The following DGKH variants were observed in gnomAD, a reference collection of about 807,000 sequenced individuals.
The protein encoded by DGKH is DAG kinase eta.
In DGKH, 90 loss-of-function variants were observed where a neutral mutation model predicts 159.3. The observed-to-expected ratio is 0.57, with a 90% CI of 0.48 to 0.67. The LOEUF (loss-of-function observed/expected upper bound fraction) is 0.67. DGKH is among the 30% of genes least tolerant of loss of function. The probability of loss-of-function intolerance (pLI) is 0.00; values close to 1 mark genes in which losing one functional copy is unlikely to be tolerated. For synonymous variants in DGKH, 536 were observed against 553.8 expected, an observed-to-expected ratio of 0.97 and a Z score of 0.45; for missense variants, 1,181 against 1,506.1, an observed-to-expected ratio of 0.78 and a Z score of 3.57.
At chr13:42,246,705 G>A (rs979457892), downstream of DGKH, among the ~76,000 whole-genome samples, 2 of 152,074 alleles carry the variant, frequency 1.3e-5, no homozygotes, top group African/African-American at 4.8e-5. Flanking sequence ...GGTAAAGTAT[G>A]CTCTCCACAT....
intron 1 of DGKH, among the ~76,000 whole-genome samples, chr13:42,121,562 G>T (rs1955072717): frequency 1.3e-5 from 2 of 152,254 alleles, no homozygotes; most frequent in South Asian, 2.1e-4. Context: ...TATAATCCAG[G>T]CCAGTGCAAA....
At chr13:42,246,641 G>A (rs1291466804), downstream of DGKH, among the ~76,000 whole-genome samples, 1 of 152,100 alleles carries the variant, frequency 6.6e-6, no homozygotes, top group Non-Finnish European at 1.5e-5. Context: ...CCCTTTCTTA[G>A]AGGAGCGATA....
intron 1 of DGKH, among the ~76,000 whole-genome samples, chr13:42,126,703 C>G (rs981337269): frequency 1.3e-5 from 2 of 152,124 alleles, no homozygotes; most frequent in Non-Finnish European, 2.9e-5. Flanking sequence ...CCTCAAATAT[C>G]CATGTTGTTT....
intron 1 of DGKH, among the ~76,000 whole-genome samples, chr13:42,082,027 A>G (rs1954210107): frequency 6.6e-6 from 1 of 152,102 alleles, no homozygotes; most frequent in Non-Finnish European, 1.5e-5. Context: ...TTCCTTAGAC[A>G]GTGAGAAATG....
chr13:42,165,285 G>C, intron 7 of DGKH, 46 bp from the exon 8 acceptor site: 1 of 1,061,712 alleles, frequency 9.4e-7, no homozygotes, highest in South Asian at 1.9e-5. Context: ...TATAATGGCA[G>C]AACATTATTT....
At chr13:42,092,274 A>G (rs1278679380) in intron 1 of DGKH, among the ~76,000 whole-genome samples, 1 of 152,240 alleles carries the variant, frequency 6.6e-6, no homozygotes, top group African/African-American at 2.4e-5. Flanking sequence ...AGTATACTGA[A>G]GAAATATCTG....
At chr13:42,142,505 A>G (rs1453596656) in intron 3 of DGKH, among the ~76,000 whole-genome samples, 1 of 151,144 alleles carries the variant, frequency 6.6e-6, no homozygotes, top group Non-Finnish European at 1.5e-5. Flanking sequence ...CATTTTCATG[A>G]TATTGATTCT....
Position 42,208,973 on chromosome 13 carries a change from A to G in DGKH, c.2616A>G (p.Pro872=), listed in dbSNP as rs754731870. The stretch of plus-strand genomic sequence containing the variant: ...TTTTCTTTCAGATATTTGCTGCACC[A>G]TCCTTTGATGACAAGATCCTGGAAG... ...GTKEDDIFAA[P]SFDDKILEVV... The change falls in exon 22 of 30, where the codon CCA becomes CCG. Residue 872 remains proline (P), a synonymous_variant. Coordinates refer to ENST00000337343, the MANE Select transcript of DGKH (RefSeq NM_178009.5). The G allele has an allele frequency of 2.5e-6, 4 of 1,611,674 alleles. No individual in the cohort carries two copies. Among genetic ancestry groups the G allele is most frequent in the African/African-American group, 1.3e-5 (1 of 74,798 alleles).
intron 20 of DGKH, 37 bp downstream of exon 20, chr13:42,199,946 C>G (rs1299933796): frequency 3.9e-6 from 6 of 1,525,016 alleles, no homozygotes; most frequent in African/African-American, 1.4e-5. Flanking sequence ...TTCATATTAT[C>G]TTACTTAAAA....
rs1156346498 is a variant in DGKH, at chr13:42,127,461, A to G, written c.193-2A>G. 6.2e-7 allele frequency: 1 copy of G among 1,608,960 alleles called. No individual in the cohort carries two copies. The highest frequency in any genetic ancestry group is 2.2e-5 in the East Asian group (1 of 44,848). ...TGTCATTGTGCTTCTGCTTCTCTCT[A>G]GACCAGTATTAAAGAGGGACAGCTA... On this transcript the variant is annotated splice_acceptor_variant, in intron 1 of 29. Coordinates refer to ENST00000337343, the MANE Select transcript of DGKH (RefSeq NM_178009.5). LOFTEE classifies it high-confidence loss of function.
chr13:42,061,777 A>C (rs567427652), intron 1 of DGKH, among the ~76,000 whole-genome samples: 1 of 152,312 alleles, frequency 6.6e-6, no homozygotes, highest in South Asian at 2.1e-4. Flanking sequence ...TGACCTTTCT[A>C]TTCATTCAAC....
chr13:42,241,890 G>T lies in DGKH; in HGVS notation c.*12702G>T, dbSNP rs925184727. ...ATATTTATGGATGGTTAGGCAATAG[G>T]GTTCCTTCATGAGAAGGAAAAAACT... is the stretch of plus-strand genomic sequence containing the variant. On this transcript the variant is annotated 3_prime_UTR_variant, in exon 30 of 30. Transcript: ENST00000337343. The T allele has an allele frequency of 2.6e-5, 4 of 152,102 alleles. No homozygotes were observed. Among genetic ancestry groups the T allele is most frequent in the Non-Finnish European group, 5.9e-5 (4 of 68,012 alleles). The allele number at this position is 152,102 out of a possible 1,614,324, so 9.4% of individuals were successfully genotyped here.
At chr13:42,117,809 T>TA (rs1163353373) in intron 1 of DGKH, among the ~76,000 whole-genome samples, 1 of 152,170 alleles carries the variant, frequency 6.6e-6, no homozygotes, top group Non-Finnish European at 1.5e-5. Context: ...AATATTCTCA[T>TA]AAAAAATCAG....
At chr13:42,144,564 G>A (rs1955669749) in intron 3 of DGKH, among the ~76,000 whole-genome samples, 1 of 152,014 alleles carries the variant, frequency 6.6e-6, no homozygotes, top group African/African-American at 2.4e-5. Flanking sequence ...GCGCGTGCCT[G>A]TAATTCCAGC....
chr13:42,171,944 C>G (rs1956468880), intron 11 of DGKH, among the ~76,000 whole-genome samples: 1 of 151,230 alleles, frequency 6.6e-6, no homozygotes, highest in African/African-American at 2.4e-5. Flanking sequence ...ATTCTCCTGC[C>G]TCAGCCTCCC....
intron 29 of DGKH, among the ~76,000 whole-genome samples, chr13:42,221,690 T>C (rs1173985642): frequency 1.3e-5 from 2 of 152,238 alleles, no homozygotes; most frequent in East Asian, 3.8e-4. Flanking sequence ...GGATCATGTT[T>C]CCATCAGCTC....
At chr13:42,105,572 T>C (rs1954734880) in intron 1 of DGKH, among the ~76,000 whole-genome samples, 1 of 152,216 alleles carries the variant, frequency 6.6e-6, no homozygotes, top group Admixed American at 6.5e-5. Context: ...TTCTGCTACT[T>C]TGATGTGGAC....
chr13:42,083,430 G>T (rs78996299), intron 1 of DGKH, among the ~76,000 whole-genome samples: 1 of 152,128 alleles, frequency 6.6e-6, no homozygotes, highest in Non-Finnish European at 1.5e-5. Flanking sequence ...ATTCAGCTGC[G>T]AGGCTCAAAT....
At chr13:42,092,687 A>G (rs1954443648) in intron 1 of DGKH, among the ~76,000 whole-genome samples, 1 of 152,208 alleles carries the variant, frequency 6.6e-6, no homozygotes, top group African/African-American at 2.4e-5. Context: ...CTGATAGTAT[A>G]AAATGGAAAT....
Sources: gnomAD v4.1 joint callset for allele counts (sites outside exome capture counted in the v4.1 genomes callset) on GRCh38, gnomAD v4.1.1 for gene constraint, MANE v1.5 for transcripts, NCBI Gene and HGNC (gene_info 2026-07-23, HGNC 2026-07-21) for gene names.